Variants in FOXP1 observed in about 807,000 individuals in gnomAD.
FOXP1 encodes the protein forkhead box protein P1.
Under a neutral mutation model 98.2 loss-of-function variants are expected in FOXP1, and 15 were observed. The observed-to-expected ratio is 0.15, with a 90% CI of 0.10 to 0.24. FOXP1 has a LOEUF of 0.24. Ranked by LOEUF, FOXP1 falls within the 10% of genes least tolerant of loss-of-function variation. The pLI is 1.00. For synonymous variants in FOXP1, 371 were observed against 314.5 expected (o/e 1.18, Z -1.90); for missense variants, 633 against 848.5 (o/e 0.75, Z 3.15).
rs1345020351 is a variant in FOXP1, at chr3:70,956,394, G to A, written c.*2853C>T. ...TCTGCAAGGCTGTGATACCTGCAAA[G>A]ATATGTAAAATCTAATTTTTCTTTT... On this transcript the variant is annotated 3_prime_UTR_variant, in exon 21 of 21. Coordinates refer to ENST00000649528, the MANE Select transcript of FOXP1 (RefSeq NM_001349338.3). 37 of 219,506 alleles carry A rather than the reference G, an allele frequency of 1.7e-4. No individual in the cohort carries two copies. Among genetic ancestry groups the A allele is most frequent in the Non-Finnish European group, 5.4e-5 (6 of 110,556 alleles). 13.6% of individuals were successfully genotyped at this position (219,506 alleles called of 1,614,324 possible).
intron 3 of FOXP1, among the ~76,000 whole-genome samples, chr3:71,433,080 T>C (rs113715507): frequency 0.015 from 2,211 of 152,250 alleles, 65 homozygotes; most frequent in African/African-American, 0.05. Context: ...CCTTTTACCC[T>C]CTTCTCAGCG....
intron 5 of FOXP1, among the ~76,000 whole-genome samples, chr3:71,243,841 C>T (rs144477433): frequency 6.6e-6 from 1 of 151,990 alleles, no homozygotes; most frequent in African/African-American, 2.4e-5. Context: ...GTATTGCCAC[C>T]CAGCAAGGCA....
chr3:71,124,140 T>A (rs115756824), intron 6 of FOXP1, among the ~76,000 whole-genome samples: 45,266 of 113,536 alleles, frequency 0.4, 6,952 homozygotes, highest in Middle Eastern at 0.52. Context: ...GTTATATTTT[T>A]TTAAAAAAAA....
chr3:71,377,772 T>C (rs2079830887), intron 3 of FOXP1, among the ~76,000 whole-genome samples: 1 of 152,202 alleles, frequency 6.6e-6, no homozygotes, highest in Admixed American at 6.5e-5. Context: ...AAGAACATCT[T>C]TTGAGCTGGT....
chr3:71,418,341 G>A (rs1443109001), intron 3 of FOXP1, among the ~76,000 whole-genome samples: 1 of 152,132 alleles, frequency 6.6e-6, no homozygotes, highest in African/African-American at 2.4e-5. Context: ...TTACAAGGCT[G>A]TGACAGGGCG....
chr3:71,266,044 T>C (rs2069618137), intron 5 of FOXP1, among the ~76,000 whole-genome samples: 1 of 151,874 alleles, frequency 6.6e-6, no homozygotes, highest in Non-Finnish European at 1.5e-5. Context: ...AGATGGTGGG[T>C]TCAAGTTTTA....
chr3:71,439,422 G>A (rs867869509), intron 3 of FOXP1, among the ~76,000 whole-genome samples: 1 of 152,176 alleles, frequency 6.6e-6, no homozygotes, highest in South Asian at 2.1e-4. Flanking sequence ...CTAAGAAAAG[G>A]TAAGAAAACT....
intron 3 of FOXP1, among the ~76,000 whole-genome samples, chr3:71,475,182 C>T (rs1255638921): frequency 1.3e-5 from 2 of 152,136 alleles, no homozygotes; most frequent in Non-Finnish European, 2.9e-5. Context: ...ACCCAAGACC[C>T]TCCCTCTCTC....
chr3:71,094,278 CTTTTTTTTTT>C (rs1180804992), intron 7 of FOXP1, among the ~76,000 whole-genome samples: 2 of 127,826 alleles, frequency 1.6e-5, no homozygotes, highest in Middle Eastern at 4.0e-3. Context: ...TTTTTCTTTT[CTTTTTTTTTT>C]TTTTTTTTTG....
At position 71,083,840 on chromosome 3, in the gene FOXP1, C is replaced by T. The variant is rs570837551; in HGVS notation, c.282+28696G>A. On this transcript the variant is annotated intron_variant, in intron 7 of 20. Coordinates refer to ENST00000649528, the MANE Select transcript of FOXP1 (RefSeq NM_001349338.3). The stretch of plus-strand genomic sequence containing the variant: ...ACTCTCTCACCCCAACCCCTCATCA[C>T]TTGCCAGTCTGAGCTGGGTTTTGAC... 2.6e-5 allele frequency among the ~76,000 whole-genome samples: 4 copies of T among 152,322 alleles called. No individual in the cohort carries two copies. The South Asian group carries it at 8.3e-4, about 32-fold the overall frequency.
chr3:71,421,877 G>C (rs1044887478), intron 3 of FOXP1, among the ~76,000 whole-genome samples: 1 of 152,188 alleles, frequency 6.6e-6, no homozygotes, highest in Non-Finnish European at 1.5e-5. Context: ...AGCTGCCTCT[G>C]AACTGCTGAT....
At chr3:71,392,337 C>T (rs2081095888) in intron 3 of FOXP1, among the ~76,000 whole-genome samples, 1 of 152,154 alleles carries the variant, frequency 6.6e-6, no homozygotes, top group South Asian at 2.1e-4. Flanking sequence ...GTCACAGTGA[C>T]AGAGGTGTCT....
intron 4 of FOXP1, among the ~76,000 whole-genome samples, chr3:71,348,839 G>T (rs911122109): frequency 2.6e-5 from 4 of 152,056 alleles, no homozygotes; most frequent in Non-Finnish European, 4.4e-5. Context: ...AAGTAAAGAA[G>T]GTAGGCAGAG....
rs553939056 is a variant in FOXP1, at chr3:71,286,108, TCTC to T, written c.-12+13709_-12+13711del. Among the ~76,000 whole-genome samples, 4 of 152,272 alleles carry T rather than the reference TCTC, an allele frequency of 2.6e-5. No individual in the cohort carries two copies. In the South Asian group the frequency reaches 8.3e-4, roughly 32 times the overall value. On this transcript the variant is annotated intron_variant, in intron 5 of 20. Transcript: ENST00000649528. ...GCACTGTTACCTAATGTCAGTCACTTCTCCTACTTTATCTGCAATGACAATACC... is the reference window on the plus strand; with the variant it reads ...GCACTGTTACCTAATGTCAGTCACTTCTACTTTATCTGCAATGACAATACC...
intron 13 of FOXP1, among the ~76,000 whole-genome samples, chr3:70,991,532 A>G (rs1384557699): frequency 1.3e-5 from 2 of 152,330 alleles, no homozygotes; most frequent in Non-Finnish European, 2.9e-5. Context: ...TTCATTTAAC[A>G]TCACCATTTT....
Position 70,992,921 on chromosome 3 carries a change from C to A in FOXP1, c.1063-4844G>T, listed in dbSNP as rs544632429. On this transcript the variant is annotated intron_variant, in intron 13 of 20. Coordinates refer to ENST00000649528, the MANE Select transcript of FOXP1 (RefSeq NM_001349338.3). ...TACCGTGCTGTTAGGACCTCTCTTT[C>A]CCCGACGTGCTCAGGGCTTGTGCAG... 2.1e-4 allele frequency among the ~76,000 whole-genome samples: 32 copies of A among 152,290 alleles called. No homozygotes were observed. The East Asian group carries it at 3.5e-3, about 17-fold the overall frequency.
intron 3 of FOXP1, among the ~76,000 whole-genome samples, chr3:71,368,609 G>A (rs377445809): frequency 9.9e-5 from 15 of 152,198 alleles, no homozygotes; most frequent in African/African-American, 3.6e-4. Flanking sequence ...GTAATCAATT[G>A]TTGGGACTGT....
At chr3:71,521,765 C>G (rs1003560316) in intron 2 of FOXP1, among the ~76,000 whole-genome samples, 4 of 152,134 alleles carry the variant, frequency 2.6e-5, no homozygotes, top group African/African-American at 9.7e-5. Context: ...GGAGATCTGG[C>G]CACATGAAAC....
intron 3 of FOXP1, among the ~76,000 whole-genome samples, chr3:71,435,148 G>A (rs1429368103): frequency 7.7e-5 from 11 of 142,966 alleles, no homozygotes; most frequent in African/African-American, 2.7e-4. Context: ...AGGATGAGGA[G>A]GAGAGGAAGG....
Sources: gnomAD v4.1 joint callset for allele counts (sites outside exome capture counted in the v4.1 genomes callset) on GRCh38, gnomAD v4.1.1 for gene constraint, MANE v1.5 for transcripts, NCBI Gene and HGNC (gene_info 2026-07-23, HGNC 2026-07-21) for gene names.